The following CDH5 variants were observed in gnomAD, a reference collection of about 807,000 sequenced individuals.
CDH5 encodes the protein cadherin 5.
Under a neutral mutation model 62.0 loss-of-function variants are expected in CDH5, and 28 were observed. The ratio of observed to expected loss-of-function variants is 0.45; its 90% CI spans 0.33 to 0.62. The LOEUF (loss-of-function observed/expected upper bound fraction) is 0.62, where lower values mean the gene tolerates loss of function less well. Among genes scored for constraint, CDH5 ranks in the 20% least tolerant of loss-of-function variants. The probability of loss-of-function intolerance (pLI) is 0.02; values close to 1 mark genes in which losing one functional copy is unlikely to be tolerated. For missense variants in CDH5, 940 were observed against 1,065.1 expected, an observed-to-expected ratio of 0.88 and a Z score of 1.63; for synonymous variants, 464 against 445.8, an observed-to-expected ratio of 1.04 and a Z score of -0.52.
rs1386644539 is a variant in CDH5, at chr16:66,379,515, A to G, written c.178A>G (p.Lys60Glu). The change falls in exon 2 of 12, where the codon AAA becomes GAA. Residue 60 changes from lysine to glutamate, a missense_variant. Physicochemically the swap from Lys to Glu is moderately conservative, Grantham distance 56. Coordinates refer to ENST00000341529, the MANE Select transcript of CDH5 (RefSeq NM_001795.5). ...GAACCAGATGCACATTGATGAAGAG[A>G]AAAACACCTCACTTCCCCATCATGT... is the stretch of plus-strand genomic sequence containing the variant. ...IWNQMHIDEE[K>E]NTSLPHHVGK... 2 of 1,614,226 alleles carry G rather than the reference A, an allele frequency of 1.2e-6. No individual in the cohort carries two copies. The highest frequency in any genetic ancestry group is 8.5e-7 in the Non-Finnish European group (1 of 1,180,038).
chr16:66,403,046 C>T lies in CDH5; in HGVS notation c.2232C>T (p.Ser744=), dbSNP rs1175897635. ...EGSESIAESL[S]SLGTDSSDSD... is the part of the protein sequence containing the mutation. ...CCGAGTCCATAGCCGAGTCCCTCAG[C>T]TCCCTGGGCACCGACTCATCCGACT... The change falls in exon 12 of 12, where the codon AGC becomes AGT. Residue 744 remains serine, a synonymous_variant. Transcript: ENST00000341529. This position sits in a 1 kb window ranked among gnomAD's most constrained non-coding sequence, Gnocchi z 4.3. 6.2e-7 allele frequency: 1 copy of T among 1,613,538 alleles called. No individual in the cohort carries two copies. The highest frequency in any genetic ancestry group is 8.5e-7 in the Non-Finnish European group (1 of 1,179,816).
intron 1 of CDH5, among the ~76,000 whole-genome samples, chr16:66,378,797 C>T (rs904728287): frequency 2.0e-5 from 3 of 152,250 alleles, no homozygotes; most frequent in Non-Finnish European, 1.5e-5. Flanking sequence ...CTCCCCAGTT[C>T]GGAGTTCATC....
chr16:66,373,374 AC>A (rs1960727123), intron 1 of CDH5, among the ~76,000 whole-genome samples: 1 of 147,806 alleles, frequency 6.8e-6, no homozygotes, highest in African/African-American at 2.5e-5. Flanking sequence ...GTCCAACAAG[AC>A]CCTTCCCTGC....
intron 2 of CDH5, among the ~76,000 whole-genome samples, chr16:66,384,197 C>T (rs1960944846): frequency 1.3e-5 from 2 of 149,736 alleles, no homozygotes; most frequent in South Asian, 4.3e-4. Flanking sequence ...TGATCCTCCT[C>T]CCTCAGCCTC....
chr16:66,386,785 C>G, intron 2 of CDH5, 24 bp from the exon 3 acceptor site: 1 of 1,568,768 alleles, frequency 6.4e-7, no homozygotes, highest in Non-Finnish European at 8.7e-7. Context: ...CCATTCCCAG[C>G]TCACGTCACC....
intron 7 of CDH5, chr16:66,393,017 C>G (rs942323832): frequency 6.6e-6 from 1 of 152,302 alleles, no homozygotes; most frequent in East Asian, 1.9e-4. Flanking sequence ...ATTTGCTCTT[C>G]TATCTTAACT....
chr16:66,384,033 T>C (rs2142322027), intron 2 of CDH5, among the ~76,000 whole-genome samples: 1 of 151,828 alleles, frequency 6.6e-6, no homozygotes, highest in Non-Finnish European at 1.5e-5. Context: ...TCCCTCTTCT[T>C]TCTTGAGACC....
intron 1 of CDH5, among the ~76,000 whole-genome samples, chr16:66,371,653 C>T (rs1395612312): frequency 6.6e-6 from 1 of 152,076 alleles, no homozygotes; most frequent in Non-Finnish European, 1.5e-5. Context: ...TCTGCCCCAC[C>T]CCTGAGGCCC....
chr16:66,390,092 G>A (rs1256319392), intron 5 of CDH5, among the ~76,000 whole-genome samples: 1 of 152,220 alleles, frequency 6.6e-6, no homozygotes, highest in African/African-American at 2.4e-5. Context: ...TTGTCCTGAA[G>A]TGGCTTCCTC....
intron 2 of CDH5, among the ~76,000 whole-genome samples, chr16:66,383,945 G>A (rs1215709674): frequency 6.6e-6 from 1 of 151,978 alleles, no homozygotes; most frequent in Admixed American, 6.6e-5. Context: ...CTCACTGAGG[G>A]CTCCAATGAC....
intron 9 of CDH5, 57 bp downstream of exon 9, chr16:66,398,163 G>A (rs1048682654): frequency 8.1e-6 from 13 of 1,602,128 alleles, no homozygotes; most frequent in African/African-American, 1.3e-5. Flanking sequence ...AGGCTGGGGG[G>A]CAGAACTGCT....
Position 66,379,367 on chromosome 16 carries a change from A to G in CDH5, c.30A>G (p.Thr10=), listed in dbSNP as rs141012206. 1.0e-4 allele frequency: 169 copies of G among 1,613,022 alleles called. 1 individual carries two copies. The highest frequency in any genetic ancestry group is 1.4e-4 in the Non-Finnish European group (164 of 1,179,550). The change falls in exon 2 of 12, where the codon ACA becomes ACG. Residue 10 remains threonine (T), a synonymous_variant. Transcript: ENST00000341529. ...AGAGGCTCATGATGCTCCTCGCCAC[A>G]TCGGGCGCCTGCCTGGGCCTGCTGG... MQRLMMLLA[T]SGACLGLLAV...
intron 8 of CDH5, among the ~76,000 whole-genome samples, chr16:66,396,744 G>C (rs1443011699): frequency 6.6e-6 from 1 of 152,166 alleles, no homozygotes; most frequent in Non-Finnish European, 1.5e-5. Flanking sequence ...GCCAGAGGGA[G>C]GGGCAAGAGT....
intron 3 of CDH5, 27 bp downstream of exon 3, chr16:66,387,124 C>T: frequency 6.3e-7 from 1 of 1,589,846 alleles, no homozygotes; most frequent in Non-Finnish European, 8.6e-7. Flanking sequence ...CTCTGTCCTC[C>T]TCCCTCCCTC....
At chr16:66,382,979 G>A (rs770830996) in intron 2 of CDH5, among the ~76,000 whole-genome samples, 1 of 152,152 alleles carries the variant, frequency 6.6e-6, no homozygotes, top group Non-Finnish European at 1.5e-5. Flanking sequence ...ACAGGGGTAG[G>A]GAGAGTGGAG....
intron 2 of CDH5, among the ~76,000 whole-genome samples, chr16:66,379,840 G>A (rs1960856986): frequency 6.6e-6 from 1 of 152,034 alleles, no homozygotes; most frequent in African/African-American, 2.4e-5. Flanking sequence ...TGATAAAGGG[G>A]TAGGTGGTGG....
At chr16:66,400,137 G>A (rs977587870) in intron 10 of CDH5, among the ~76,000 whole-genome samples, 18 of 152,202 alleles carry the variant, frequency 1.2e-4, no homozygotes, top group Non-Finnish European at 2.9e-5. Context: ...AAGCTCCCTG[G>A]GGGATTCTTG....
chr16:66,369,295 G>T (rs1325720139), intron 1 of CDH5, among the ~76,000 whole-genome samples: 1 of 152,120 alleles, frequency 6.6e-6, no homozygotes, highest in East Asian at 1.9e-4. Flanking sequence ...AGGAAATGAG[G>T]TCAAGCGTAA....
intron 2 of CDH5, 153 bp downstream of exon 2, chr16:66,379,700 GT>G: frequency 1.5e-6 from 1 of 670,704 alleles, no homozygotes; most frequent in Non-Finnish European, 2.6e-6. Flanking sequence ...AGCAATAGTG[GT>G]AGAGGTCGTG....
Sources: gnomAD v4.1 joint callset for allele counts (sites outside exome capture counted in the v4.1 genomes callset) on GRCh38, gnomAD v4.1.1 for gene constraint, Gnocchi (gnomAD v3.1) non-coding constraint, MANE v1.5 for transcripts, NCBI Gene and HGNC (gene_info 2026-07-23, HGNC 2026-07-21) for gene names.